Variants in EPB41L2 observed in about 807,000 individuals in gnomAD.
EPB41L2 encodes erythrocyte membrane protein band 4.1 like 2.
EPB41L2 carries 43 observed loss-of-function variants against 113.0 expected under a neutral mutation model. The ratio of observed to expected loss-of-function variants is 0.38; its 90% CI spans 0.30 to 0.49. The LOEUF is 0.49. Among genes scored for constraint, EPB41L2 ranks in the 20% least tolerant of loss-of-function variants. The pLI, the probability that EPB41L2 is intolerant of heterozygous loss-of-function variation, is 0.95. For missense variants in EPB41L2, 1,147 were observed against 1,223.4 expected (o/e 0.94, Z 0.93); for synonymous variants, 442 against 436.7 (o/e 1.01, Z -0.15).
intron 14 of EPB41L2, among the ~76,000 whole-genome samples, chr6:130,874,315 C>A (rs1348173905): frequency 6.6e-6 from 1 of 151,180 alleles, no homozygotes; most frequent in African/African-American, 2.4e-5. Context: ...CTATAAAAGC[C>A]CATATTATAG....
In EPB41L2 at chr6:130,894,500, T is replaced by C. The variant is rs533678707; in HGVS notation, c.1390-59A>G. 9.7e-6 allele frequency: 14 copies of C among 1,443,546 alleles called. No homozygotes were observed. In the East Asian group the frequency reaches 3.0e-4, roughly 31 times the overall value. The allele number at this position is 1,443,546 out of a possible 1,614,324, so 89.4% of individuals were successfully genotyped here. On this transcript the variant is annotated intron_variant, in intron 9 of 19. Transcript: ENST00000337057. ...TCCTTAAGAACTGACTAGAAGTTAC[T>C]GAAAAGCATGCATTCAGATGTTTCT...
Position 130,968,978 on chromosome 6 carries a change from C to A in EPB41L2, c.-14-12479G>T, listed in dbSNP as rs1487441937. 2.6e-5 allele frequency among the ~76,000 whole-genome samples: 4 copies of A among 152,080 alleles called. 1 individual carries two copies. Among genetic ancestry groups the A allele is most frequent in the Non-Finnish European group, 5.9e-5 (4 of 68,018 alleles). Reference sequence around the variant, plus strand: ...AACGTCTGGAGTCCACCAAAAAATGCAAGCAAAACCAACGTCAAAGTTTAA... The same window carrying A: ...AACGTCTGGAGTCCACCAAAAAATGAAAGCAAAACCAACGTCAAAGTTTAA... On this transcript the variant is annotated intron_variant, in intron 1 of 19. Transcript: ENST00000337057.
intron 1 of EPB41L2, among the ~76,000 whole-genome samples, chr6:130,990,983 A>T (rs981209441): frequency 3.4e-5 from 5 of 148,084 alleles, no homozygotes. Flanking sequence ...CATGCCACCA[A>T]GCCTGGCTAA....
intron 1 of EPB41L2, among the ~76,000 whole-genome samples, chr6:131,022,382 T>C (rs1341441907): frequency 6.6e-6 from 1 of 152,212 alleles, no homozygotes; most frequent in Non-Finnish European, 1.5e-5. Flanking sequence ...TTTCTACTCC[T>C]AGTTATCTAT....
intron 1 of EPB41L2, among the ~76,000 whole-genome samples, chr6:131,035,582 G>A (rs1385673249): frequency 6.6e-6 from 1 of 152,188 alleles, no homozygotes; most frequent in East Asian, 1.9e-4. Flanking sequence ...GACATTTAGT[G>A]ACCTATTTAT....
intron 3 of EPB41L2, among the ~76,000 whole-genome samples, chr6:130,941,577 C>T (rs541063657): frequency 9.2e-5 from 14 of 152,248 alleles, no homozygotes; most frequent in African/African-American, 2.9e-4. Flanking sequence ...TTCTGTGCTA[C>T]GGAAGAATAG....
chr6:130,863,134 A>C (rs1325080866), intron 18 of EPB41L2, among the ~76,000 whole-genome samples: 1 of 152,186 alleles, frequency 6.6e-6, no homozygotes, highest in Admixed American at 6.5e-5. Context: ...ATCAATGTAA[A>C]TTTTCACTTT....
At chr6:130,865,460 G>A in intron 17 of EPB41L2, 76 bp downstream of exon 17, 2 of 1,426,442 alleles carry the variant, frequency 1.4e-6, no homozygotes, top group South Asian at 2.4e-5. Context: ...GTGTGTACAG[G>A]AAGAGAGAAA....
intron 14 of EPB41L2, among the ~76,000 whole-genome samples, chr6:130,871,237 A>G (rs1466902308): frequency 6.6e-6 from 1 of 152,142 alleles, no homozygotes; most frequent in Admixed American, 6.5e-5. Context: ...GGGGTTTTTA[A>G]AGCTTCACAT....
chr6:130,952,075 A>C (rs149778256), intron 3 of EPB41L2, among the ~76,000 whole-genome samples: 2,245 of 152,290 alleles, frequency 0.015, 63 homozygotes, highest in African/African-American at 0.052. Context: ...TGATCAAACA[A>C]ATGCAAGTTA....
intron 14 of EPB41L2, chr6:130,876,762 T>A: frequency 1.5e-6 from 2 of 1,303,560 alleles, no homozygotes; most frequent in Non-Finnish European, 2.0e-6. Context: ...CTTGAAAAGA[T>A]GGTCTCCTTT....
rs1583228896 is a variant in EPB41L2 at position 130,899,504 on chromosome 6, A to G, written c.1223T>C (p.Leu408Pro). The change falls in exon 8 of 20, where the codon CTA becomes CCA. Residue 408 changes from leucine (L) to proline (P), a missense_variant. Physicochemically the swap from Leu to Pro is moderately conservative, Grantham distance 98 (BLOSUM62 -3). Coordinates refer to ENST00000337057, the MANE Select transcript of EPB41L2 (RefSeq NM_001431.4). ...CATTTACAGTACCTTGGCATGATGTAGGTCAACACCATACATGGAAAGCCT... is the reference window on the plus strand; with the variant it reads ...CATTTACAGTACCTTGGCATGATGTGGGTCAACACCATACATGGAAAGCCT... ...AKRLSMYGVD[L>P]HHAKDSEGVD... 1 of 1,613,698 alleles carries G rather than the reference A, an allele frequency of 6.2e-7. No homozygotes were observed. The highest frequency in any genetic ancestry group is 1.1e-5 in the South Asian group (1 of 91,066).
At chr6:130,995,449 G>A (rs1446105418) in intron 1 of EPB41L2, among the ~76,000 whole-genome samples, 3 of 152,184 alleles carry the variant, frequency 2.0e-5, no homozygotes, top group Non-Finnish European at 4.4e-5. Context: ...GTCCAGCCTG[G>A]CCAATATGGT....
chr6:130,995,323 A>G (rs1206222671), intron 1 of EPB41L2, among the ~76,000 whole-genome samples: 1 of 151,262 alleles, frequency 6.6e-6, no homozygotes, highest in Non-Finnish European at 1.5e-5. Context: ...CGACTAAGCG[A>G]GACTCCGTCT....
intron 3 of EPB41L2, among the ~76,000 whole-genome samples, chr6:130,937,924 G>A (rs1156547121): frequency 3.3e-5 from 5 of 152,056 alleles, no homozygotes; most frequent in Non-Finnish European, 5.9e-5. Flanking sequence ...AAATCATCAG[G>A]TGGAAAAACA....
In EPB41L2 at chr6:131,008,333, G is replaced by A. The variant is rs77215238; in HGVS notation, c.-14-51834C>T. On this transcript the variant is annotated intron_variant, in intron 1 of 19. Transcript: ENST00000337057. ...TCCACGTGGTGTTGACCCTGCGGGC[G>A]CGCAGAAGTTAAAAATTGAGGTTTG... Among the ~76,000 whole-genome samples the A allele has an allele frequency of 1.9e-3, 297 of 152,386 alleles. 5 individuals carry two copies. The East Asian group carries it at 0.037, about 19-fold the overall frequency.
chr6:131,030,342 T>C (rs547790931), intron 1 of EPB41L2, among the ~76,000 whole-genome samples: 3 of 152,330 alleles, frequency 2.0e-5, no homozygotes, highest in Non-Finnish European at 4.4e-5. Flanking sequence ...CTCAATAAAC[T>C]GGCAAATTTC....
intron 19 of EPB41L2, among the ~76,000 whole-genome samples, chr6:130,857,720 C>T (rs1780737110): frequency 6.6e-6 from 1 of 152,050 alleles, no homozygotes; most frequent in South Asian, 2.1e-4. Context: ...ACATGCCCAT[C>T]TCATTTTTGT....
At chr6:130,853,272 T>C (rs1182578029) in intron 19 of EPB41L2, among the ~76,000 whole-genome samples, 1 of 152,136 alleles carries the variant, frequency 6.6e-6, no homozygotes, top group Non-Finnish European at 1.5e-5. Flanking sequence ...CTGACATCAA[T>C]TATTACTCTA....
Sources: allele counts gnomAD v4.1 joint callset (sites outside exome capture counted in the v4.1 genomes callset), GRCh38; gene constraint gnomAD v4.1.1; transcripts MANE v1.5; gene names NCBI Gene and HGNC (gene_info 2026-07-23, HGNC 2026-07-21).